PPFIA1: variants seen among roughly 807,000 people sequenced by gnomAD.
PPFIA1 encodes liprin-alpha-1.
In PPFIA1, 25 loss-of-function variants were observed where a neutral mutation model predicts 149.9. The observed-to-expected ratio is 0.17, with a 90% CI of 0.12 to 0.23. The LOEUF is 0.23. PPFIA1 is among the 10% of genes least tolerant of loss of function. PPFIA1 has a pLI of 1.00. For synonymous variants in PPFIA1, 549 were observed against 552.8 expected (o/e 0.99, Z 0.10); for missense variants, 1,362 against 1,506.5 (o/e 0.90, Z 1.59).
intron 2 of PPFIA1, among the ~76,000 whole-genome samples, chr11:70,295,797 C>T (rs1436668032): frequency 3.3e-5 from 5 of 151,950 alleles, no homozygotes; most frequent in African/African-American, 1.2e-4. Flanking sequence ...CCCCACCTCC[C>T]TCCTGGACGG....
At chr11:70,327,070 T>G (rs943615128) in intron 7 of PPFIA1, 40 of 444,982 alleles carry the variant, frequency 9.0e-5, no homozygotes, top group Non-Finnish European at 2.4e-5. Flanking sequence ...GACATGGCCA[T>G]GAAGTGGACG....
chr11:70,273,184 T>C (rs140917655), intron 2 of PPFIA1, among the ~76,000 whole-genome samples: 3,922 of 152,012 alleles, frequency 0.026, 75 homozygotes, highest in Non-Finnish European at 0.04. Flanking sequence ...GGCTGAGGCA[T>C]GAGAATCACT....
At position 70,355,721 on chromosome 11, in the gene PPFIA1, A is replaced by C; in HGVS notation, c.2398A>C (p.Lys800Gln). Residue 800 changes from lysine to glutamine, a missense_variant, in exon 18 of 28, where the codon AAG becomes CAG. Physicochemically the swap from Lys to Gln is moderately conservative, Grantham distance 53 (BLOSUM62 1). Transcript: ENST00000253925. ...SQDSLHKAPK[K>Q]KGIKSSIGRL... Reference sequence around the variant, plus strand: ...GGACTCGCTCCACAAAGCCCCAAAGAAGAAAGGCATTAAGTCCTCCATTGG... The same window carrying C: ...GGACTCGCTCCACAAAGCCCCAAAGCAGAAAGGCATTAAGTCCTCCATTGG... 1 of 1,614,194 alleles carries C rather than the reference A, an allele frequency of 6.2e-7. No individual in the cohort carries two copies.
Position 70,335,639 on chromosome 11 carries a change from C to G in PPFIA1, c.1373C>G (p.Ser458Cys), listed in dbSNP as rs915648017. The change falls in exon 11 of 28, where the codon TCT becomes TGT. Residue 458 changes from serine (S) to cysteine (C), a missense_variant. Around this residue, in one of 7 missense-constraint regions of PPFIA1, gnomAD observed 733 missense variants for 744.1 expected, o/e 0.99. Transcript: ENST00000253925. Reference sequence around the variant, plus strand: ...ACTGTTGACAAGCTGCTTTCAGAATCTAATGAGAGGCTTCAACTTCATCTT... The same window carrying G: ...ACTGTTGACAAGCTGCTTTCAGAATGTAATGAGAGGCTTCAACTTCATCTT... The part of the protein sequence containing the change: ...SDTVDKLLSE[S>C]NERLQLHLKE... The G allele has an allele frequency of 1.2e-6, 2 of 1,613,928 alleles. No individual in the cohort carries two copies. The highest frequency in any genetic ancestry group is 1.7e-6 in the Non-Finnish European group (2 of 1,179,950).
chr11:70,333,222 G>A (rs1187755069), intron 9 of PPFIA1: 1 of 572,114 alleles, frequency 1.7e-6, no homozygotes, highest in East Asian at 3.5e-5. Flanking sequence ...AGGGGTTGGG[G>A]GGAAAACACC....
intron 2 of PPFIA1, among the ~76,000 whole-genome samples, chr11:70,285,102 G>A (rs1389941054): frequency 1.3e-5 from 2 of 152,062 alleles, no homozygotes; most frequent in African/African-American, 4.8e-5. Context: ...TGCCTCACAG[G>A]TTCAAGCGAT....
chr11:70,296,043 G>A (rs971093131), intron 2 of PPFIA1, among the ~76,000 whole-genome samples: 4 of 151,924 alleles, frequency 2.6e-5, no homozygotes, highest in Admixed American at 6.6e-5. Context: ...CATCCCAGAC[G>A]GGGCGTCGGG....
At chr11:70,316,981 A>C (rs1427785849) in intron 2 of PPFIA1, among the ~76,000 whole-genome samples, 1 of 152,230 alleles carries the variant, frequency 6.6e-6, no homozygotes, top group African/African-American at 2.4e-5. Context: ...TCTCAATCCT[A>C]GATAATGTCA....
chr11:70,362,230 G>A (rs2056692996), intron 20 of PPFIA1, 54 bp downstream of exon 20: 16 of 1,613,122 alleles, frequency 9.9e-6, no homozygotes, highest in Non-Finnish European at 1.3e-5. Flanking sequence ...TGAACTTACT[G>A]TTCTACTTTG....
chr11:70,314,669 A>T (rs945897096), intron 2 of PPFIA1, among the ~76,000 whole-genome samples: 2 of 152,158 alleles, frequency 1.3e-5, no homozygotes, highest in Non-Finnish European at 2.9e-5. Flanking sequence ...TCATATGGAA[A>T]TGCGGTTCTG....
chr11:70,311,836 CTTTTTTT>C (rs140584652), intron 2 of PPFIA1, among the ~76,000 whole-genome samples: 8 of 70,108 alleles, frequency 1.1e-4, no homozygotes, highest in South Asian at 5.1e-4. Flanking sequence ...AGTGAGTCAG[CTTTTTTT>C]TTTTTTTTTT....
intron 2 of PPFIA1, among the ~76,000 whole-genome samples, chr11:70,314,738 A>G (rs1054168508): frequency 2.6e-5 from 4 of 152,142 alleles, no homozygotes; most frequent in Non-Finnish European, 5.9e-5. Flanking sequence ...TTGGGCATAC[A>G]TTTTTTCAGC....
intron 26 of PPFIA1, among the ~76,000 whole-genome samples, chr11:70,381,852 A>G (rs2057726637): frequency 6.6e-6 from 1 of 152,202 alleles, no homozygotes; most frequent in South Asian, 2.1e-4. Flanking sequence ...GGTGCTTGGT[A>G]TTTCGGAGTA....
chr11:70,324,791 A>G, intron 3 of PPFIA1, 56 bp from the exon 4 acceptor site: 1 of 1,431,474 alleles, frequency 7.0e-7, no homozygotes, highest in East Asian at 2.3e-5. Context: ...CCCCAGATTC[A>G]ATCATGAAAT....
intron 2 of PPFIA1, among the ~76,000 whole-genome samples, chr11:70,273,830 T>C (rs775437192): frequency 1.3e-5 from 2 of 152,238 alleles, no homozygotes; most frequent in African/African-American, 2.4e-5. Context: ...CAGGATTTTA[T>C]TGTATTTGTA....
At chr11:70,332,834 T>G (rs943251397) in intron 9 of PPFIA1, among the ~76,000 whole-genome samples, 2 of 152,204 alleles carry the variant, frequency 1.3e-5, no homozygotes, top group Non-Finnish European at 2.9e-5. Flanking sequence ...TTGCTCAAGC[T>G]TTTCAAGCTG....
intron 2 of PPFIA1, among the ~76,000 whole-genome samples, chr11:70,294,154 C>G (rs1401151182): frequency 6.6e-6 from 1 of 152,028 alleles, no homozygotes; most frequent in Admixed American, 6.6e-5. Context: ...GTTTCCCAGG[C>G]TGGTCTCAAA....
intron 9 of PPFIA1, 59 bp downstream of exon 9, chr11:70,332,153 T>C: frequency 6.7e-7 from 1 of 1,499,210 alleles, no homozygotes; most frequent in Non-Finnish European, 8.9e-7. Flanking sequence ...GCCTTGCCTG[T>C]GTACCTTGTT....
chr11:70,330,055 C>A, intron 7 of PPFIA1, 118 bp from the exon 8 acceptor site: 1 of 975,364 alleles, frequency 1.0e-6, no homozygotes, highest in Non-Finnish European at 1.5e-6. Flanking sequence ...CCTGAGGATG[C>A]TAATTTTTAA....
Sources: gnomAD v4.1 joint callset for allele counts (sites outside exome capture counted in the v4.1 genomes callset) on GRCh38, gnomAD v4.1.1 for gene constraint, gnomAD v4.1.1 regional missense constraint, MANE v1.5 for transcripts, NCBI Gene and HGNC (gene_info 2026-07-23, HGNC 2026-07-21) for gene names.